The following ATRNL1 variants were observed in gnomAD, a reference collection of about 807,000 sequenced individuals.
ATRNL1 encodes the protein attractin like 1.
ATRNL1 carries 95 observed loss-of-function variants against 182.7 expected under a neutral mutation model. The observed-to-expected ratio is 0.52, with a 90% CI of 0.44 to 0.62. The LOEUF is 0.62. Among genes scored for constraint, ATRNL1 ranks in the 20% least tolerant of loss-of-function variants. ATRNL1 has a pLI of 0.00. For synonymous variants in ATRNL1, 576 were observed against 568.3 expected, an observed-to-expected ratio of 1.01 and a Z score of -0.19; for missense variants, 1,471 against 1,679.5, an observed-to-expected ratio of 0.88 and a Z score of 2.17.
At chr10:115,641,434 G>A (rs769811065) in intron 26 of ATRNL1, among the ~76,000 whole-genome samples, 1 of 152,152 alleles carries the variant, frequency 6.6e-6, no homozygotes, top group Non-Finnish European at 1.5e-5. Flanking sequence ...CATTGCCCTA[G>A]TTAAACTGTC....
chr10:115,315,442 T>G, intron 17 of ATRNL1, 76 bp from the exon 18 acceptor site: 3 of 1,057,784 alleles, frequency 2.8e-6, no homozygotes, highest in Non-Finnish European at 4.1e-6. Context: ...ATGATCATAT[T>G]TATTTTTTAT....
intron 5 of ATRNL1, among the ~76,000 whole-genome samples, 169 bp downstream of exon 5, chr10:115,129,704 T>A (rs1434465544): frequency 6.6e-6 from 1 of 152,190 alleles, no homozygotes; most frequent in Non-Finnish European, 1.5e-5. Context: ...AATTTTTTTG[T>A]CACAAATAGA....
intron 28 of ATRNL1, among the ~76,000 whole-genome samples, chr10:115,912,416 TTGTG>T (rs35956227): frequency 4.5e-4 from 66 of 147,984 alleles, no homozygotes; most frequent in East Asian, 2.2e-3. Flanking sequence ...ATATATATAT[TTGTG>T]TGTGTGTGTG....
In ATRNL1 at chr10:115,487,191, G is replaced by A. The variant is rs139945689; in HGVS notation, c.3654+17862G>A. On this transcript the variant is annotated intron_variant, in intron 24 of 28. Transcript: ENST00000355044. The stretch of plus-strand genomic sequence containing the variant: ...TTACGTGATGCCTCCAACTCTGTTC[G>A]TTTTGCTTAGGACTATCTGGGATAT... 7.0e-4 allele frequency among the ~76,000 whole-genome samples: 107 copies of A among 152,062 alleles called. 1 individual carries two copies. In the East Asian group the frequency reaches 0.019, roughly 27 times the overall value.
intron 24 of ATRNL1, among the ~76,000 whole-genome samples, chr10:115,477,122 AT>A (rs1389983749): frequency 6.6e-6 from 1 of 151,524 alleles, no homozygotes; most frequent in Non-Finnish European, 1.5e-5. Flanking sequence ...ACAATAAAAG[AT>A]TTCTCCCTTA....
chr10:115,243,064 T>C (rs1850488511), intron 10 of ATRNL1, among the ~76,000 whole-genome samples: 1 of 151,012 alleles, frequency 6.6e-6, no homozygotes, highest in Non-Finnish European at 1.5e-5. Flanking sequence ...GATGAAAGTT[T>C]TGTTTGTTTG....
At chr10:115,926,258 G>T (rs1373684632) in intron 28 of ATRNL1, among the ~76,000 whole-genome samples, 1 of 151,946 alleles carries the variant, frequency 6.6e-6, no homozygotes, top group Non-Finnish European at 1.5e-5. Context: ...CAGCTAAAGT[G>T]GTGTTAACAG....
At chr10:115,836,290 C>A (rs1555095432) in intron 27 of ATRNL1, among the ~76,000 whole-genome samples, 1 of 152,022 alleles carries the variant, frequency 6.6e-6, no homozygotes, top group Non-Finnish European at 1.5e-5. Context: ...GGCCAGTTAC[C>A]GTATTATACT....
chr10:115,233,934 GT>G lies in ATRNL1; in HGVS notation c.1533-7629del, dbSNP rs1269325717. On this transcript the variant is annotated intron_variant, in intron 9 of 28. Coordinates refer to ENST00000355044, the MANE Select transcript of ATRNL1 (RefSeq NM_207303.4). ...ATGTTAATATGTGAGATTTGCACAT[GT>G]TTTTTTTGAGATATTCATGTCAGCT... Among the ~76,000 whole-genome samples, 8 of 151,078 alleles carry G rather than the reference GT, an allele frequency of 5.3e-5. No homozygotes were observed. The East Asian group carries it at 9.7e-4, about 18-fold the overall frequency.
intron 27 of ATRNL1, among the ~76,000 whole-genome samples, chr10:115,801,808 T>G (rs1339197077): frequency 6.6e-6 from 1 of 152,134 alleles, no homozygotes; most frequent in Admixed American, 6.5e-5. Context: ...TTTTTGAAAA[T>G]TCATTTAAAG....
chr10:115,371,060 C>T, intron 19 of ATRNL1, among the ~76,000 whole-genome samples: 1 of 152,162 alleles, frequency 6.6e-6, no homozygotes, highest in East Asian at 1.9e-4. Context: ...GCTGTGGCAA[C>T]TTTCATGTGG....
At chr10:115,577,023 G>A (rs185173643) in intron 26 of ATRNL1, among the ~76,000 whole-genome samples, 2 of 151,814 alleles carry the variant, frequency 1.3e-5, no homozygotes, top group Admixed American at 6.6e-5. Flanking sequence ...TGGTGGCCTT[G>A]TGGAAAATAA....
chr10:115,747,300 A>G (rs141784198), intron 27 of ATRNL1, among the ~76,000 whole-genome samples: 352 of 152,194 alleles, frequency 2.3e-3, no homozygotes, highest in African/African-American at 8.0e-3. Flanking sequence ...ACACCTTCCA[A>G]TTCTGCATTC....
At chr10:115,169,181 T>C (rs1847183020) in intron 7 of ATRNL1, among the ~76,000 whole-genome samples, 1 of 151,478 alleles carries the variant, frequency 6.6e-6, no homozygotes, top group South Asian at 2.1e-4. Context: ...CATTGATTTA[T>C]CCCAGTATCA....
At chr10:115,452,618 A>G (rs1441972974) in intron 21 of ATRNL1, among the ~76,000 whole-genome samples, 8 of 152,296 alleles carry the variant, frequency 5.3e-5, no homozygotes, top group East Asian at 1.9e-4. Context: ...ATAATTATAC[A>G]TCTATGAAAC....
chr10:115,696,341 G>A (rs1946558661), intron 26 of ATRNL1, among the ~76,000 whole-genome samples: 1 of 152,186 alleles, frequency 6.6e-6, no homozygotes, highest in Non-Finnish European at 1.5e-5. Context: ...ATGGTGGCAT[G>A]TGCCTATAAT....
chr10:115,613,489 A>G (rs544654012), intron 26 of ATRNL1, among the ~76,000 whole-genome samples: 1 of 152,132 alleles, frequency 6.6e-6, no homozygotes, highest in South Asian at 2.1e-4. Context: ...TAGTTTTCTT[A>G]TTTTGTTGTA....
intron 28 of ATRNL1, among the ~76,000 whole-genome samples, chr10:115,874,180 T>A (rs2134423409): frequency 6.6e-6 from 1 of 152,284 alleles, no homozygotes; most frequent in South Asian, 2.1e-4. Context: ...CAGTGACGTC[T>A]TCTGCCACAA....
At chr10:115,427,440 T>C (rs1257103385) in intron 21 of ATRNL1, among the ~76,000 whole-genome samples, 6 of 152,316 alleles carry the variant, frequency 3.9e-5, no homozygotes, top group African/African-American at 1.4e-4. Flanking sequence ...ACTATTTTCT[T>C]GAAGAACAGA....
Sources: gnomAD v4.1 joint callset for allele counts (sites outside exome capture counted in the v4.1 genomes callset) on GRCh38, gnomAD v4.1.1 for gene constraint, MANE v1.5 for transcripts, NCBI Gene and HGNC (gene_info 2026-07-23, HGNC 2026-07-21) for gene names.